Variants in SCAPER observed in about 807,000 individuals in gnomAD.
SCAPER encodes S phase cyclin A-associated protein in the endoplasmic reticulum.
Under a neutral mutation model 182.2 loss-of-function variants are expected in SCAPER, and 98 were observed. The ratio of observed to expected loss-of-function variants is 0.54; its 90% CI spans 0.46 to 0.64. The LOEUF (loss-of-function observed/expected upper bound fraction) is 0.64, where lower values mean the gene tolerates loss of function less well. SCAPER is among the 30% of genes least tolerant of loss of function. The pLI is 0.00. For synonymous variants in SCAPER, 605 were observed against 564.6 expected, an observed-to-expected ratio of 1.07 and a Z score of -1.01; for missense variants, 1,432 against 1,690.0, an observed-to-expected ratio of 0.85 and a Z score of 2.68.
chr15:76,652,274 ATATAT>A (rs1440792595), intron 21 of SCAPER, among the ~76,000 whole-genome samples: 330 of 10,602 alleles, frequency 0.031, 64 homozygotes, highest in Non-Finnish European at 0.041. Flanking sequence ...AAAAAAAAAA[ATATAT>A]ATATATATAT....
At chr15:76,857,686 T>A in intron 4 of SCAPER, 123 bp downstream of exon 4, 1 of 657,106 alleles carries the variant, frequency 1.5e-6, no homozygotes, top group South Asian at 2.5e-5. Context: ...TTTTAAAAAG[T>A]ACATTAAATT....
chr15:76,865,039 T>G (rs942136432), intron 2 of SCAPER, among the ~76,000 whole-genome samples: 1 of 152,160 alleles, frequency 6.6e-6, no homozygotes, highest in Non-Finnish European at 1.5e-5. Context: ...ATACTATAAC[T>G]AACAAAATCA....
intron 24 of SCAPER, 137 bp downstream of exon 24, chr15:76,504,722 C>T: frequency 3.2e-6 from 2 of 630,178 alleles, no homozygotes; most frequent in African/African-American, 1.9e-5. Flanking sequence ...TGTTTTTCTC[C>T]CTAATGGGGA....
intron 1 of SCAPER, among the ~76,000 whole-genome samples, chr15:76,897,197 C>T (rs2074487733): frequency 6.6e-6 from 1 of 152,134 alleles, no homozygotes; most frequent in African/African-American, 2.4e-5. Flanking sequence ...GGTAGCTGTG[C>T]ACCACAGGAT....
At chr15:76,559,523 T>A (rs1365942345) in intron 23 of SCAPER, among the ~76,000 whole-genome samples, 2 of 152,170 alleles carry the variant, frequency 1.3e-5, no homozygotes, top group Non-Finnish European at 2.9e-5. Flanking sequence ...ACTCTTTCCT[T>A]TATAAATTGC....
At chr15:76,867,314 C>G (rs2151903267) in intron 2 of SCAPER, among the ~76,000 whole-genome samples, 1 of 152,212 alleles carries the variant, frequency 6.6e-6, no homozygotes, top group South Asian at 2.1e-4. Context: ...CTGAATAATT[C>G]AGAAAAGAAC....
intron 25 of SCAPER, among the ~76,000 whole-genome samples, chr15:76,460,887 C>A (rs1200067730): frequency 6.6e-6 from 1 of 152,088 alleles, no homozygotes; most frequent in Admixed American, 6.6e-5. Flanking sequence ...TCCTACACAA[C>A]TACAGCACAA....
chr15:76,369,172 T>C (rs934662027), intron 29 of SCAPER, among the ~76,000 whole-genome samples: 2 of 152,208 alleles, frequency 1.3e-5, no homozygotes. Context: ...CAATCCTTTA[T>C]GCAAAGCAGT....
intron 25 of SCAPER, among the ~76,000 whole-genome samples, chr15:76,434,548 G>A (rs1016782863): frequency 6.6e-6 from 1 of 152,210 alleles, no homozygotes; most frequent in Non-Finnish European, 1.5e-5. Context: ...AGGATAATGA[G>A]AGTACCTGTA....
intron 26 of SCAPER, among the ~76,000 whole-genome samples, chr15:76,407,039 C>G (rs542669687): frequency 2.0e-5 from 3 of 152,296 alleles, no homozygotes; most frequent in African/African-American, 4.8e-5. Context: ...TGGAGAACAT[C>G]TGCTTAGAGA....
chr15:76,612,135 G>C (rs1240671937), intron 22 of SCAPER, among the ~76,000 whole-genome samples: 3 of 152,148 alleles, frequency 2.0e-5, no homozygotes, highest in Non-Finnish European at 4.4e-5. Flanking sequence ...ATTCAAACAG[G>C]AATAGAGGAG....
At chr15:76,475,155 C>T (rs905605699) in intron 24 of SCAPER, among the ~76,000 whole-genome samples, 2 of 152,124 alleles carry the variant, frequency 1.3e-5, no homozygotes, top group Non-Finnish European at 2.9e-5. Flanking sequence ...AAGAGAACCA[C>T]AAAGAAATAC....
intron 2 of SCAPER, among the ~76,000 whole-genome samples, chr15:76,867,531 T>C (rs966595474): frequency 4.6e-5 from 7 of 152,192 alleles, no homozygotes; most frequent in African/African-American, 1.4e-4. Flanking sequence ...GGTAAAACCA[T>C]AGATGAACTA....
At chr15:76,466,095 T>C (rs2049593263) in intron 25 of SCAPER, among the ~76,000 whole-genome samples, 1 of 152,156 alleles carries the variant, frequency 6.6e-6, no homozygotes, top group South Asian at 2.1e-4. Flanking sequence ...TTCTTGAATC[T>C]GGATGTCCAT....
intron 21 of SCAPER, among the ~76,000 whole-genome samples, chr15:76,635,862 T>C (rs2053552311): frequency 6.6e-6 from 1 of 152,206 alleles, no homozygotes; most frequent in South Asian, 2.1e-4. Context: ...TATTATATTG[T>C]GTGACTTTTT....
intron 5 of SCAPER, among the ~76,000 whole-genome samples, chr15:76,837,285 C>A (rs1487122447): frequency 2.0e-5 from 3 of 152,126 alleles, no homozygotes; most frequent in African/African-American, 7.2e-5. Flanking sequence ...ATAAAAAATG[C>A]TGTATCAGTC....
rs762475115 is a variant in SCAPER, at chr15:76,804,649, CAAAAA to C, written c.394-21_394-17del. 2.0e-6 allele frequency: 3 copies of C among 1,470,630 alleles called. No homozygotes were observed. Among genetic ancestry groups the C allele is most frequent in the African/African-American group, 2.9e-5 (2 of 68,380 alleles). The allele number at this position is 1,470,630 out of a possible 1,614,324, so 91.1% of individuals were successfully genotyped here. ...TTAGCACCTCCTAAAAGAAACAAAA[CAAAAA>C]AAAATTAAATTCCAGTCTGAGACTA... On this transcript the variant is annotated splice_polypyrimidine_tract_variant and intron_variant, in intron 5 of 31. Coordinates refer to ENST00000563290, the MANE Select transcript of SCAPER (RefSeq NM_020843.4).
intron 1 of SCAPER, among the ~76,000 whole-genome samples, chr15:76,890,777 C>T (rs995103416): frequency 8.5e-5 from 13 of 152,112 alleles, no homozygotes; most frequent in African/African-American, 2.2e-4. Context: ...GAAACTATTC[C>T]GATCAATAGA....
intron 25 of SCAPER, among the ~76,000 whole-genome samples, chr15:76,458,875 A>G (rs1266951215): frequency 1.3e-5 from 2 of 151,862 alleles, no homozygotes; most frequent in Non-Finnish European, 2.9e-5. Flanking sequence ...TCTACTCTCT[A>G]TCTCCATACG....
Sources: gnomAD v4.1 joint callset for allele counts (sites outside exome capture counted in the v4.1 genomes callset) on GRCh38, gnomAD v4.1.1 for gene constraint, MANE v1.5 for transcripts, NCBI Gene and HGNC (gene_info 2026-07-23, HGNC 2026-07-21) for gene names.